The following HECW2 variants were observed in gnomAD, a reference collection of about 807,000 sequenced individuals.
HECW2 encodes HECT, C2 and WW domain containing E3 ubiquitin protein ligase 2.
Under a neutral mutation model 175.2 loss-of-function variants are expected in HECW2, and 61 were observed. The ratio of observed to expected loss-of-function variants is 0.35; its 90% CI spans 0.28 to 0.43. The LOEUF is 0.43. Among genes scored for constraint, HECW2 ranks in the 20% least tolerant of loss-of-function variants. The pLI is 1.00. For synonymous variants in HECW2, 671 were observed against 731.0 expected, an observed-to-expected ratio of 0.92 and a Z score of 1.32; for missense variants, 1,524 against 2,000.5, an observed-to-expected ratio of 0.76 and a Z score of 4.54.
intron 1 of HECW2, among the ~76,000 whole-genome samples, chr2:196,571,700 C>CAAA (rs111632715): frequency 4.8e-5 from 7 of 144,442 alleles, no homozygotes; most frequent in African/African-American, 1.8e-4. Context: ...GATTCTGTCT[C>CAAA]AAAAAAAAAA....
intron 20 of HECW2, among the ~76,000 whole-genome samples, chr2:196,240,891 G>A (rs867304556): frequency 1.4e-4 from 21 of 151,920 alleles, no homozygotes; most frequent in Non-Finnish European, 8.8e-5. Flanking sequence ...ACCGCCCCCC[G>A]CCCATACATT....
intron 2 of HECW2, among the ~76,000 whole-genome samples, chr2:196,382,190 ATG>A (rs914089752): frequency 4.1e-5 from 6 of 144,932 alleles, no homozygotes; most frequent in African/African-American, 1.3e-4. Flanking sequence ...ATGTATGTAT[ATG>A]TGTGTGTGTA....
At chr2:196,520,185 G>A (rs943369501) in intron 1 of HECW2, among the ~76,000 whole-genome samples, 2 of 152,086 alleles carry the variant, frequency 1.3e-5, no homozygotes, top group South Asian at 2.1e-4. Context: ...AATGCAGAAG[G>A]CTAACAATAG....
intron 28 of HECW2, 132 bp from the exon 29 acceptor site, chr2:196,201,520 T>A (rs927559341): frequency 1.9e-6 from 1 of 513,018 alleles, no homozygotes; most frequent in Non-Finnish European, 3.5e-6. Context: ...TTGCCAATTT[T>A]CACACTCCTT....
intron 15 of HECW2, among the ~76,000 whole-genome samples, chr2:196,274,622 G>C (rs905381435): frequency 3.9e-5 from 6 of 152,172 alleles, no homozygotes; most frequent in Non-Finnish European, 5.9e-5. Context: ...GTGGGGTTTC[G>C]AGTTAGTGTA....
At chr2:196,362,755 G>A (rs1464740761) in intron 2 of HECW2, among the ~76,000 whole-genome samples, 1 of 152,164 alleles carries the variant, frequency 6.6e-6, no homozygotes, top group African/African-American at 2.4e-5. Flanking sequence ...TTGGGGTAGG[G>A]AAATCCCCAG....
chr2:196,451,974 G>A (rs148145066), intron 1 of HECW2, among the ~76,000 whole-genome samples: 90 of 152,296 alleles, frequency 5.9e-4, no homozygotes, highest in African/African-American at 1.8e-3. Context: ...GGTGTAGGAA[G>A]TATTAGTCTC....
At chr2:196,373,957 G>C (rs1023786040) in intron 2 of HECW2, among the ~76,000 whole-genome samples, 2 of 151,142 alleles carry the variant, frequency 1.3e-5, no homozygotes, top group African/African-American at 4.9e-5. Flanking sequence ...GCGTGAACCC[G>C]GGAGGCGGAG....
rs186390208 is a variant in HECW2, at chr2:196,207,862, T to G, written c.4608-6474A>C. On this transcript the variant is annotated intron_variant, in intron 28 of 28. Coordinates refer to ENST00000644978, the MANE Select transcript of HECW2 (RefSeq NM_001348768.2). Reference sequence around the variant, plus strand: ...GTAAATACAAAGTGGAATATTCCCATAGGGGGGAATTCCTGTATCTGGGGT... The same window carrying G: ...GTAAATACAAAGTGGAATATTCCCAGAGGGGGGAATTCCTGTATCTGGGGT... 1.6e-3 allele frequency among the ~76,000 whole-genome samples: 244 copies of G among 152,350 alleles called. No individual in the cohort carries two copies. The Middle Eastern group carries it at 0.027, about 17-fold the overall frequency.
At position 196,364,156 on chromosome 2, in the gene HECW2, C is replaced by T. The variant is rs141921193; in HGVS notation, c.293-20392G>A. 6.6e-3 allele frequency among the ~76,000 whole-genome samples: 1,001 copies of T among 152,350 alleles called. 8 individuals are homozygous for T. The highest frequency in any genetic ancestry group is 0.02 in the Middle Eastern group (6 of 294). ...GGTCCTCCAAGCAATGATTCTTTGCCTTCCAAATACCATAACATTTGGTAC... is the reference window on the plus strand; with the variant it reads ...GGTCCTCCAAGCAATGATTCTTTGCTTTCCAAATACCATAACATTTGGTAC... On this transcript the variant is annotated intron_variant, in intron 2 of 28. Coordinates refer to ENST00000644978, the MANE Select transcript of HECW2 (RefSeq NM_001348768.2).
At position 196,469,667 on chromosome 2, in the gene HECW2, A is replaced by G. The variant is rs1697117092; in HGVS notation, c.-35-36209T>C. On this transcript the variant is annotated intron_variant, in intron 1 of 28. Transcript: ENST00000644978. The stretch of plus-strand genomic sequence containing the variant: ...AAAAATTTTAAATGTAGGTGGTAAG[A>G]AAGTTCATAAACAGAGGTAAAAGAC... Among the ~76,000 whole-genome samples, 3 of 152,102 alleles carry G rather than the reference A, an allele frequency of 2.0e-5. No homozygotes were observed. The South Asian group carries it at 6.2e-4, about 31-fold the overall frequency.
At chr2:196,579,650 T>G (rs1370981452) in intron 1 of HECW2, among the ~76,000 whole-genome samples, 1 of 152,130 alleles carries the variant, frequency 6.6e-6, no homozygotes, top group Non-Finnish European at 1.5e-5. Context: ...CCCAAGTAGT[T>G]CAAAATGTAA....
intron 27 of HECW2, 92 bp downstream of exon 27, chr2:196,216,916 G>T: frequency 1.2e-6 from 1 of 851,800 alleles, no homozygotes; most frequent in Non-Finnish European, 1.8e-6. Flanking sequence ...CATGGTATGT[G>T]TTTATGGAGA....
At chr2:196,432,983 C>A (rs1464990130) in intron 2 of HECW2, 149 bp downstream of exon 2, 7 of 696,584 alleles carry the variant, frequency 1.0e-5, no homozygotes, top group Non-Finnish European at 1.4e-5. Context: ...CTCCTCCTCC[C>A]AAAGAAGAAA....
intron 5 of HECW2, among the ~76,000 whole-genome samples, chr2:196,328,545 T>C (rs973987829): frequency 1.3e-5 from 2 of 152,230 alleles, no homozygotes; most frequent in Admixed American, 1.3e-4. Flanking sequence ...GTGGTAATTA[T>C]GCTTTGTGGA....
intron 2 of HECW2, among the ~76,000 whole-genome samples, chr2:196,399,654 A>G (rs1346734558): frequency 6.6e-6 from 1 of 152,222 alleles, no homozygotes; most frequent in African/African-American, 2.4e-5. Flanking sequence ...TGTAGTAGGT[A>G]ACAAAAACAA....
Position 196,322,968 on chromosome 2 carries a change from T to C in HECW2, c.742-348A>G, listed in dbSNP as rs538512050. On this transcript the variant is annotated intron_variant, in intron 6 of 28. Coordinates refer to ENST00000644978, the MANE Select transcript of HECW2 (RefSeq NM_001348768.2). ...TATTGTATCTCAATTCTTTGATATT[T>C]AATATCTTGTTATAGAATGGATTAG... Among the ~76,000 whole-genome samples the C allele has an allele frequency of 5.9e-5, 9 of 152,382 alleles. No homozygotes were observed. In the South Asian group the frequency reaches 1.9e-3, roughly 32 times the overall value.
At chr2:196,413,254 CTGGCG>C (rs1400733124) in intron 2 of HECW2, among the ~76,000 whole-genome samples, 2 of 152,166 alleles carry the variant, frequency 1.3e-5, no homozygotes, top group East Asian at 3.9e-4. Context: ...ACTCAGGAAG[CTGGCG>C]TGGGAGGATC....
intron 2 of HECW2, among the ~76,000 whole-genome samples, chr2:196,376,895 G>A (rs529524295): frequency 6.6e-6 from 1 of 151,980 alleles, no homozygotes; most frequent in East Asian, 1.9e-4. Flanking sequence ...TCACACCACT[G>A]CACTCCAGCC....
Sources: gnomAD v4.1 joint callset for allele counts (sites outside exome capture counted in the v4.1 genomes callset) on GRCh38, gnomAD v4.1.1 for gene constraint, MANE v1.5 for transcripts, NCBI Gene and HGNC (gene_info 2026-07-23, HGNC 2026-07-21) for gene names.